Variants in ADGRL3 observed in about 807,000 individuals in gnomAD.
The protein encoded by ADGRL3 is adhesion G protein-coupled receptor L3.
Under a neutral mutation model 153.5 loss-of-function variants are expected in ADGRL3, and 62 were observed. That is an observed-to-expected ratio of 0.40 (90% CI 0.33 to 0.50). ADGRL3 has a LOEUF of 0.50. Among genes scored for constraint, ADGRL3 ranks in the 20% least tolerant of loss-of-function variants. The pLI is 0.47. For synonymous variants in ADGRL3, 710 were observed against 672.5 expected, an observed-to-expected ratio of 1.06 and a Z score of -0.86; for missense variants, 1,641 against 1,859.4, an observed-to-expected ratio of 0.88 and a Z score of 2.16.
chr4:61,913,884 C>G (rs2149868474), intron 13 of ADGRL3, among the ~76,000 whole-genome samples: 1 of 152,232 alleles, frequency 6.6e-6, no homozygotes, highest in East Asian at 1.9e-4. Context: ...GGAAATATCT[C>G]TGTGTGCCAG....
At chr4:61,995,095 G>A (rs1349035842) in intron 19 of ADGRL3, among the ~76,000 whole-genome samples, 1 of 151,486 alleles carries the variant, frequency 6.6e-6, no homozygotes, top group Non-Finnish European at 1.5e-5. Flanking sequence ...GCAGACACAA[G>A]GTTTTGCCAT....
At chr4:61,731,689 A>G (rs948280188) in intron 7 of ADGRL3, among the ~76,000 whole-genome samples, 2 of 152,104 alleles carry the variant, frequency 1.3e-5, no homozygotes, top group Admixed American at 6.6e-5. Flanking sequence ...CTCTGCCACA[A>G]TTATATGTAA....
intron 9 of ADGRL3, among the ~76,000 whole-genome samples, chr4:61,837,628 A>G (rs960775136): frequency 6.6e-5 from 10 of 151,938 alleles, no homozygotes; most frequent in African/African-American, 2.4e-4. Flanking sequence ...CTGAAATGGG[A>G]ATTTATGGCA....
intron 4 of ADGRL3, among the ~76,000 whole-genome samples, chr4:61,585,426 T>G (rs2098942356): frequency 6.6e-6 from 1 of 151,974 alleles, no homozygotes; most frequent in Non-Finnish European, 1.5e-5. Flanking sequence ...TAGTTACATG[T>G]TTTCTCTTTC....
intron 5 of ADGRL3, among the ~76,000 whole-genome samples, chr4:61,618,879 G>C (rs919152867): frequency 6.6e-6 from 1 of 152,080 alleles, no homozygotes. Flanking sequence ...ACAATACGCA[G>C]CTAATTTTTG....
intron 4 of ADGRL3, among the ~76,000 whole-genome samples, chr4:61,546,802 T>G (rs1171286964): frequency 2.0e-5 from 3 of 152,138 alleles, no homozygotes; most frequent in Admixed American, 6.5e-5. Flanking sequence ...CAAAAAAAAT[T>G]GAAGAAATAG....
At chr4:62,051,220 T>C (rs181447263) in intron 25 of ADGRL3, among the ~76,000 whole-genome samples, 185 of 149,682 alleles carry the variant, frequency 1.2e-3, no homozygotes, top group African/African-American at 4.5e-3. Context: ...TATATGTACA[T>C]GTTATTGATA....
At chr4:61,792,286 G>A (rs1030262029) in intron 8 of ADGRL3, among the ~76,000 whole-genome samples, 3 of 151,948 alleles carry the variant, frequency 2.0e-5, no homozygotes, top group Non-Finnish European at 2.9e-5. Context: ...CATCTCTAGG[G>A]CAGGGGCAAA....
At chr4:62,016,642 C>G (rs1468457674) in intron 21 of ADGRL3, among the ~76,000 whole-genome samples, 2 of 152,140 alleles carry the variant, frequency 1.3e-5, no homozygotes, top group African/African-American at 4.8e-5. Context: ...TTTTGATCAT[C>G]TCTTGCAAAA....
At chr4:61,206,077 T>A (rs1173858026) in intron 1 of ADGRL3, among the ~76,000 whole-genome samples, 1 of 152,034 alleles carries the variant, frequency 6.6e-6, no homozygotes, top group Non-Finnish European at 1.5e-5. Flanking sequence ...TTTTGAGGGG[T>A]GGATAAAAGG....
intron 25 of ADGRL3, among the ~76,000 whole-genome samples, chr4:62,066,659 A>G (rs1743137036): frequency 6.6e-6 from 1 of 152,150 alleles, no homozygotes; most frequent in Non-Finnish European, 1.5e-5. Flanking sequence ...TTTACATTTT[A>G]AAGTAATTTA....
intron 2 of ADGRL3, among the ~76,000 whole-genome samples, chr4:61,387,282 A>G (rs964152677): frequency 1.3e-5 from 2 of 152,198 alleles, no homozygotes; most frequent in African/African-American, 4.8e-5. Flanking sequence ...GAGGCAGGGC[A>G]AGATCACAGG....
At chr4:61,406,453 G>A (rs1560583336) in intron 2 of ADGRL3, among the ~76,000 whole-genome samples, 1 of 150,032 alleles carries the variant, frequency 6.7e-6, no homozygotes, top group Non-Finnish European at 1.5e-5. Context: ...AAGTAGATAA[G>A]TTACTATTTT....
intron 4 of ADGRL3, among the ~76,000 whole-genome samples, chr4:61,584,149 T>TTAA (rs1465223789): frequency 6.6e-6 from 1 of 152,024 alleles, no homozygotes; most frequent in Non-Finnish European, 1.5e-5. Flanking sequence ...GTAATTTAAA[T>TTAA]AGCTAATTAG....
intron 8 of ADGRL3, among the ~76,000 whole-genome samples, chr4:61,763,901 C>T (rs1257825688): frequency 6.6e-6 from 1 of 152,086 alleles, no homozygotes; most frequent in Non-Finnish European, 1.5e-5. Context: ...CCTTATTTGG[C>T]TACTAAATCC....
At chr4:61,492,224 T>A (rs1282520410) in intron 2 of ADGRL3, among the ~76,000 whole-genome samples, 2 of 152,034 alleles carry the variant, frequency 1.3e-5, no homozygotes, top group African/African-American at 4.8e-5. Context: ...ATATGCAAAA[T>A]AAGTTATGGA....
At chr4:61,952,103 G>A (rs1369736600) in intron 17 of ADGRL3, among the ~76,000 whole-genome samples, 1 of 152,116 alleles carries the variant, frequency 6.6e-6, no homozygotes. Context: ...TAAAAATAGG[G>A]AAAGTATTAA....
intron 6 of ADGRL3, among the ~76,000 whole-genome samples, chr4:61,701,672 G>A (rs2095763484): frequency 6.6e-6 from 1 of 151,686 alleles, no homozygotes; most frequent in South Asian, 2.1e-4. Context: ...CCTGACCTCA[G>A]GTGATACACC....
At chr4:61,770,587 A>G (rs1196540617) in intron 8 of ADGRL3, among the ~76,000 whole-genome samples, 2 of 152,190 alleles carry the variant, frequency 1.3e-5, no homozygotes, top group Non-Finnish European at 2.9e-5. Flanking sequence ...CTTGATATGA[A>G]CAGGAGAGAT....
Sources: allele counts gnomAD v4.1 joint callset (sites outside exome capture counted in the v4.1 genomes callset), GRCh38; gene constraint gnomAD v4.1.1; transcripts MANE v1.5; gene names NCBI Gene and HGNC (gene_info 2026-07-23, HGNC 2026-07-21).